The following VPS50 variants were observed in gnomAD, a reference collection of about 807,000 sequenced individuals.
VPS50 encodes VPS50 subunit of EARP/GARPII complex, also known as syndetin.
VPS50 carries 70 observed loss-of-function variants against 139.7 expected under a neutral mutation model. That is an observed-to-expected ratio of 0.50 (90% confidence interval 0.41 to 0.61). The LOEUF (loss-of-function observed/expected upper bound fraction) is 0.61. Among genes scored for constraint, VPS50 ranks in the 20% least tolerant of loss-of-function variants. The pLI, the probability that VPS50 is intolerant of heterozygous loss-of-function variation, is 0.00. For missense variants in VPS50, 921 were observed against 1,133.7 expected (o/e 0.81, Z 2.69); for synonymous variants, 365 against 376.7 (o/e 0.97, Z 0.36).
chr7:93,270,992 A>T, intron 9 of VPS50: 1 of 469,332 alleles, frequency 2.1e-6, no homozygotes, highest in South Asian at 6.9e-5. Context: ...TTTTATCTGT[A>T]GATTCTTTCT....
intron 25 of VPS50, among the ~76,000 whole-genome samples, chr7:93,351,289 C>T (rs927105625): frequency 1.3e-5 from 2 of 151,792 alleles, no homozygotes; most frequent in African/African-American, 4.8e-5. Flanking sequence ...TCTAGAGCAC[C>T]CAGGAGATTT....
At chr7:93,283,152 A>C (rs180867320) in intron 12 of VPS50, among the ~76,000 whole-genome samples, 2 of 151,876 alleles carry the variant, frequency 1.3e-5, no homozygotes, top group African/African-American at 4.8e-5. Flanking sequence ...GAAGACACAG[A>C]CTTCATATTC....
intron 1 of VPS50, among the ~76,000 whole-genome samples, chr7:93,237,474 C>T (rs747139974): frequency 2.2e-4 from 34 of 152,126 alleles, no homozygotes; most frequent in Non-Finnish European, 4.3e-4. Context: ...AGAAATTTGC[C>T]GTGTATTGGT....
intron 9 of VPS50, among the ~76,000 whole-genome samples, chr7:93,262,880 A>G (rs184051340): frequency 2.6e-5 from 4 of 152,336 alleles, no homozygotes; most frequent in African/African-American, 7.2e-5. Flanking sequence ...GGAGAACATA[A>G]TAAGTTTGTT....
chr7:93,352,386 A>G lies in VPS50; in HGVS notation c.2464-1254A>G, dbSNP rs373634104. Among the ~76,000 whole-genome samples, 4 of 152,326 alleles carry G rather than the reference A, an allele frequency of 2.6e-5. No homozygotes were observed. The East Asian group carries it at 5.8e-4, about 22-fold the overall frequency. On this transcript the variant is annotated intron_variant, in intron 25 of 27. Coordinates refer to ENST00000305866, the MANE Select transcript of VPS50 (RefSeq NM_017667.4). ...CAATCCACTTCTTTTTAATAATTAA[A>G]AGCAACGAATTGTTAAAAATAAATT...
In VPS50 at chr7:93,266,642, T is replaced by A. The variant is rs1795851962; in HGVS notation, c.660-4578T>A. ...CGTTCCATTCAGCTTGCAGACCGCT[T>A]TTAAAGGCTTTTAGCCTTCCATCTT... On this transcript the variant is annotated intron_variant, in intron 9 of 27. Transcript: ENST00000305866. Among the ~76,000 whole-genome samples the A allele has an allele frequency of 2.0e-5, 3 of 152,198 alleles. No individual in the cohort carries two copies. The South Asian group carries it at 6.2e-4, about 32-fold the overall frequency.
At chr7:93,272,953 C>CTTG (rs1796053190) in intron 11 of VPS50, 1 of 285,590 alleles carries the variant, frequency 3.5e-6, no homozygotes, top group Non-Finnish European at 6.5e-6. Flanking sequence ...CTATGAAGTA[C>CTTG]TTGTCAGGTT....
intron 27 of VPS50, 26 bp from the exon 28 acceptor site, chr7:93,358,291 A>G (rs745843146): frequency 2.5e-6 from 4 of 1,610,984 alleles, no homozygotes; most frequent in Non-Finnish European, 3.4e-6. Flanking sequence ...TAGGGTACTA[A>G]ATTTGGATCT....
intron 12 of VPS50, among the ~76,000 whole-genome samples, chr7:93,278,247 C>A (rs988631343): frequency 6.6e-6 from 1 of 151,234 alleles, no homozygotes; most frequent in Non-Finnish European, 1.5e-5. Flanking sequence ...TTTTTATGAA[C>A]AAAAATTTGT....
At chr7:93,239,374 T>G (rs564866443) in intron 1 of VPS50, among the ~76,000 whole-genome samples, 2 of 152,314 alleles carry the variant, frequency 1.3e-5, no homozygotes, top group South Asian at 4.1e-4. Context: ...ACTTCAATCT[T>G]AATTTATGCA....
At chr7:93,282,085 T>C (rs1019544997) in intron 12 of VPS50, among the ~76,000 whole-genome samples, 1 of 151,886 alleles carries the variant, frequency 6.6e-6, no homozygotes, top group Non-Finnish European at 1.5e-5. Context: ...GCGCTTGTAG[T>C]CCCAGCTACT....
intron 21 of VPS50, among the ~76,000 whole-genome samples, chr7:93,328,382 T>C (rs1401063831): frequency 1.3e-5 from 2 of 152,188 alleles, no homozygotes; most frequent in Non-Finnish European, 2.9e-5. Flanking sequence ...TCATTTAAGG[T>C]TACCTTTCAT....
At chr7:93,240,439 C>A (rs1320672839) in intron 2 of VPS50, among the ~76,000 whole-genome samples, 1 of 152,092 alleles carries the variant, frequency 6.6e-6, no homozygotes, top group Non-Finnish European at 1.5e-5. Flanking sequence ...TATAACTTAT[C>A]TCCTAGATTG....
intron 25 of VPS50, 26 bp from the exon 26 acceptor site, chr7:93,353,614 A>AAAC: frequency 6.3e-7 from 1 of 1,595,758 alleles, no homozygotes; most frequent in Non-Finnish European, 8.5e-7. Flanking sequence ...TGATATTCAC[A>AAAC]AACAGCTACC....
chr7:93,281,869 C>T (rs1183066182), intron 12 of VPS50, among the ~76,000 whole-genome samples: 2 of 152,192 alleles, frequency 1.3e-5, no homozygotes, highest in South Asian at 2.1e-4. Context: ...AAAGTAGCTG[C>T]ACAAACTGTT....
intron 23 of VPS50, among the ~76,000 whole-genome samples, chr7:93,347,673 G>A (rs1223456507): frequency 1.6e-4 from 24 of 148,526 alleles, no homozygotes; most frequent in African/African-American, 2.5e-4. Context: ...CATGTCCTTT[G>A]TAGGGACATG....
intron 17 of VPS50, among the ~76,000 whole-genome samples, chr7:93,304,468 G>A (rs574898727): frequency 6.6e-6 from 1 of 151,676 alleles, no homozygotes; most frequent in East Asian, 1.9e-4. Flanking sequence ...TTTAAAGACA[G>A]CAAAATTAAT....
At chr7:93,294,890 C>T (rs1372728960) in intron 14 of VPS50, among the ~76,000 whole-genome samples, 2 of 152,040 alleles carry the variant, frequency 1.3e-5, no homozygotes, top group South Asian at 2.1e-4. Flanking sequence ...GTTTTAGAGG[C>T]CTAGCAAATT....
intron 13 of VPS50, among the ~76,000 whole-genome samples, chr7:93,293,165 T>C (rs1221440141): frequency 3.9e-5 from 6 of 152,280 alleles, no homozygotes; most frequent in South Asian, 2.1e-4. Context: ...AAGGTACTTA[T>C]ATTGGTGGTG....
Sources: gnomAD v4.1 joint callset for allele counts (sites outside exome capture counted in the v4.1 genomes callset) on GRCh38, gnomAD v4.1.1 for gene constraint, MANE v1.5 for transcripts, NCBI Gene and HGNC (gene_info 2026-07-23, HGNC 2026-07-21) for gene names.